The following KCNK13 variants were observed in gnomAD, a reference collection of about 807,000 sequenced individuals.
KCNK13 encodes potassium two pore domain channel subfamily K member 13.
A neutral mutation model predicts 23.4 loss-of-function variants in KCNK13; 12 were observed. The observed-to-expected ratio is 0.51, with a 90% CI of 0.33 to 0.83. KCNK13 has a LOEUF of 0.83. Among genes scored for constraint, KCNK13 ranks in the 40% least tolerant of loss-of-function variants. KCNK13 has a pLI of 0.02. For missense variants in KCNK13, 463 were observed against 556.3 expected (o/e 0.83, Z 1.69); for synonymous variants, 231 against 229.5 (o/e 1.01, Z -0.06).
At chr14:90,095,860 G>A (rs1889404629) in intron 1 of KCNK13, among the ~76,000 whole-genome samples, 1 of 152,164 alleles carries the variant, frequency 6.6e-6, no homozygotes, top group Non-Finnish European at 1.5e-5. Flanking sequence ...TCAACTGCAG[G>A]CTCCGTGTTT....
intron 1 of KCNK13, among the ~76,000 whole-genome samples, chr14:90,119,214 A>G (rs952998303): frequency 1.3e-5 from 2 of 152,222 alleles, no homozygotes; most frequent in Admixed American, 1.3e-4. Context: ...TACCAGATGT[A>G]CAAAGAAGAG....
At chr14:90,170,256 C>T (rs1295141555) in intron 1 of KCNK13, among the ~76,000 whole-genome samples, 1 of 152,072 alleles carries the variant, frequency 6.6e-6, no homozygotes, top group Non-Finnish European at 1.5e-5. Flanking sequence ...CTCTGTTGCC[C>T]AGGCCAGAGT....
intron 1 of KCNK13, among the ~76,000 whole-genome samples, chr14:90,079,592 AG>A (rs775183216): frequency 2.7e-4 from 41 of 152,290 alleles, no homozygotes; most frequent in Middle Eastern, 6.8e-3. Flanking sequence ...ACAAGGCTCA[AG>A]GGGTTTAGAG....
At chr14:90,182,864 T>A (rs1890504004) in intron 1 of KCNK13, among the ~76,000 whole-genome samples, 1 of 152,098 alleles carries the variant, frequency 6.6e-6, no homozygotes, top group South Asian at 2.1e-4. Flanking sequence ...TGGTTTGATT[T>A]TAATAAGAAA....
intron 1 of KCNK13, among the ~76,000 whole-genome samples, chr14:90,085,326 G>T (rs1295125257): frequency 6.6e-6 from 1 of 151,912 alleles, no homozygotes; most frequent in African/African-American, 2.4e-5. Flanking sequence ...TGCTGCATTT[G>T]GTTTGCTAGT....
chr14:90,123,241 G>A (rs943179612), intron 1 of KCNK13, among the ~76,000 whole-genome samples: 1 of 152,160 alleles, frequency 6.6e-6, no homozygotes, highest in Admixed American at 6.5e-5. Context: ...GGCTTAAACA[G>A]CAGAAGTTTG....
At chr14:90,079,480 G>T (rs1202762438) in intron 1 of KCNK13, among the ~76,000 whole-genome samples, 1 of 152,168 alleles carries the variant, frequency 6.6e-6, no homozygotes, top group Non-Finnish European at 1.5e-5. Context: ...ATTGGCTGTG[G>T]CTGGTGGGGT....
intron 1 of KCNK13, among the ~76,000 whole-genome samples, chr14:90,163,062 T>C (rs556534488): frequency 6.6e-6 from 1 of 152,286 alleles, no homozygotes; most frequent in African/African-American, 2.4e-5. Flanking sequence ...AGAAACAACA[T>C]GCAAATTCTG....
intron 1 of KCNK13, among the ~76,000 whole-genome samples, chr14:90,115,628 G>A (rs984692833): frequency 1.3e-5 from 2 of 152,186 alleles, no homozygotes; most frequent in African/African-American, 4.8e-5. Flanking sequence ...CTTTGCGACT[G>A]TAGCCTGAAA....
At chr14:90,092,509 A>G (rs368897407) in intron 1 of KCNK13, among the ~76,000 whole-genome samples, 29 of 152,346 alleles carry the variant, frequency 1.9e-4, no homozygotes, top group Middle Eastern at 3.4e-3. Flanking sequence ...AACATGGAGG[A>G]CAGAGGTCAA....
At chr14:90,166,768 C>G (rs1289070826) in intron 1 of KCNK13, among the ~76,000 whole-genome samples, 2 of 151,924 alleles carry the variant, frequency 1.3e-5, no homozygotes, top group East Asian at 1.9e-4. Flanking sequence ...CCTGCCTGGC[C>G]TGTGGAAGGA....
intron 1 of KCNK13, among the ~76,000 whole-genome samples, chr14:90,120,081 A>G (rs1250806047): frequency 6.6e-6 from 1 of 152,032 alleles, no homozygotes; most frequent in African/African-American, 2.4e-5. Context: ...TCCACCCTCA[A>G]GTAGGCCTCA....
intron 1 of KCNK13, among the ~76,000 whole-genome samples, chr14:90,078,842 A>G (rs1889174329): frequency 6.6e-6 from 1 of 152,238 alleles, no homozygotes; most frequent in Admixed American, 6.5e-5. Flanking sequence ...CATTCTTTCA[A>G]CAATCCTATG....
chr14:90,182,867 A>G (rs1429995174), intron 1 of KCNK13, among the ~76,000 whole-genome samples: 1 of 151,648 alleles, frequency 6.6e-6, no homozygotes, highest in Non-Finnish European at 1.5e-5. Context: ...TTTGATTTTA[A>G]TAAGAAACTG....
In KCNK13 at chr14:90,062,445, G is replaced by A. The variant is rs1165356314; in HGVS notation, c.240G>A (p.Glu80=). 2 of 1,546,434 alleles carry A rather than the reference G, an allele frequency of 1.3e-6. No individual in the cohort carries two copies. The highest frequency in any genetic ancestry group is 2.5e-5 in the East Asian group (1 of 40,738). Residue 80 remains glutamate, a synonymous_variant, in exon 1 of 2, where the codon GAG becomes GAA. Transcript: ENST00000282146. The surrounding 1 kb of genome is among the most constrained non-coding windows in gnomAD (Gnocchi z 4.5). Reference sequence around the variant, plus strand: ...GCGGCTTCCTCCGCCACTACGAGGAGGCCACTCGGGCCGGCATCCGCGTGG... The same window carrying A: ...GCGGCTTCCTCCGCCACTACGAGGAAGCCACTCGGGCCGGCATCCGCGTGG... ...ELRGFLRHYE[E]ATRAGIRVDN...
intron 1 of KCNK13, among the ~76,000 whole-genome samples, chr14:90,063,171 T>C (rs1311081209): frequency 6.6e-6 from 1 of 152,080 alleles, no homozygotes; most frequent in African/African-American, 2.4e-5. Flanking sequence ...GAAAGCGCGG[T>C]TGCACTCTAG....
intron 1 of KCNK13, among the ~76,000 whole-genome samples, chr14:90,142,916 G>A (rs78938958): frequency 0.079 from 12,089 of 152,242 alleles, 752 homozygotes; most frequent in Admixed American, 0.19. Flanking sequence ...AGGACTATAC[G>A]TTTCTAGGGG....
rs1824217499 is a variant in KCNK13, at chr14:90,062,666, C to G, written c.334+127C>G. The G allele has an allele frequency of 3.0e-6, 2 of 673,988 alleles. No individual in the cohort carries two copies. The highest frequency in any genetic ancestry group is 4.7e-6 in the Non-Finnish European group (2 of 423,144). The allele number at this position is 673,988 out of a possible 1,614,324, so 41.8% of individuals were successfully genotyped here. A position where few individuals can be genotyped will look rare whatever the true frequency, so the allele number is the denominator to read the frequency against. On this transcript the variant is annotated intron_variant, in intron 1 of 1. Transcript: ENST00000282146. The surrounding 1 kb of genome is among the most constrained non-coding windows in gnomAD (Gnocchi z 4.5). ...CCCAGCCAGACTCCACTGACATGAGCTGTCGCCTGATCAACAGGTGGTATT... is the reference window on the plus strand; with the variant it reads ...CCCAGCCAGACTCCACTGACATGAGGTGTCGCCTGATCAACAGGTGGTATT...
intron 1 of KCNK13, among the ~76,000 whole-genome samples, chr14:90,112,399 C>A (rs577412354): frequency 2.1e-4 from 32 of 152,176 alleles, no homozygotes; most frequent in Non-Finnish European, 3.4e-4. Flanking sequence ...TTGATTCATG[C>A]CGGCCAGTAG....
Sources: gnomAD v4.1 joint callset for allele counts (sites outside exome capture counted in the v4.1 genomes callset) on GRCh38, gnomAD v4.1.1 for gene constraint, Gnocchi (gnomAD v3.1) non-coding constraint, MANE v1.5 for transcripts, NCBI Gene and HGNC (gene_info 2026-07-23, HGNC 2026-07-21) for gene names.